Variants in ALPK2 observed in about 807,000 individuals in gnomAD.
ALPK2 encodes alpha kinase 2.
In ALPK2, 127 loss-of-function variants were observed where a neutral mutation model predicts 163.1. The ratio of observed to expected loss-of-function variants is 0.78; its 90% CI spans 0.67 to 0.90. ALPK2 has a LOEUF of 0.90. Ranked by LOEUF, ALPK2 falls within the 40% of genes least tolerant of loss-of-function variation. The pLI, the probability that ALPK2 is intolerant of heterozygous loss-of-function variation, is 0.00. For synonymous variants in ALPK2, 953 were observed against 959.1 expected (o/e 0.99, Z 0.12); for missense variants, 2,360 against 2,589.6 (o/e 0.91, Z 1.92).
chr18:58,522,850 T>G (rs1217189390), intron 8 of ALPK2, among the ~76,000 whole-genome samples: 1 of 152,128 alleles, frequency 6.6e-6, no homozygotes, highest in East Asian at 1.9e-4. Flanking sequence ...GAACTTACAA[T>G]AGGAAGTATG....
intron 11 of ALPK2, among the ~76,000 whole-genome samples, chr18:58,500,138 C>T (rs971844960): frequency 6.6e-6 from 1 of 151,920 alleles, no homozygotes; most frequent in Admixed American, 6.6e-5. Flanking sequence ...AAGTCTCTTT[C>T]GCAGTTGGTA....
rs775846665 is a variant in ALPK2, at chr18:58,580,289, A to G, written c.487T>C (p.Ser163Pro). The G allele has an allele frequency of 6.2e-6, 10 of 1,614,140 alleles. No homozygotes were observed. In the South Asian group the frequency reaches 9.9e-5, roughly 16 times the overall value. The part of the protein sequence containing the change: ...ISPGTPRSAD[S>P]SPSKSNHSLS... ...GAATGGTTGGATTTGGAGGGGGAGGAGTCAGCTGACCTGGGAGTGCCCGGG... is the reference window on the plus strand; with the variant it reads ...GAATGGTTGGATTTGGAGGGGGAGGGGTCAGCTGACCTGGGAGTGCCCGGG... Residue 163 changes from serine to proline, a missense_variant, in exon 4 of 13, where the codon TCC becomes CCC. Coordinates refer to ENST00000361673, the MANE Select transcript of ALPK2 (RefSeq NM_052947.4).
chr18:58,561,973 C>T (rs1245870572), intron 4 of ALPK2, among the ~76,000 whole-genome samples: 1 of 152,178 alleles, frequency 6.6e-6, no homozygotes, highest in African/African-American at 2.4e-5. Context: ...GGGGTTCTTT[C>T]CCCTGAGTTA....
Position 58,537,858 on chromosome 18 carries a change from C to T in ALPK2, c.2329G>A (p.Ala777Thr). 1 of 1,614,152 alleles carries T rather than the reference C, an allele frequency of 6.2e-7. No individual in the cohort carries two copies. Among genetic ancestry groups the T allele is most frequent in the East Asian group, 2.2e-5 (1 of 44,876 alleles). ...GCAGTATCTGTGGGTTCAGGGGAAG[C>T]AACAGAGACAGCCACAGGCTCCCTG... ...DFREPVAVSV[A>T]SPEPTDTALT... Residue 777 changes from alanine to threonine, a missense_variant, in exon 5 of 13, where the codon GCT becomes ACT. By Grantham distance (58) the Ala-to-Thr change is moderately conservative. Transcript: ENST00000361673.
At chr18:58,544,007 A>G (rs1403331847) in intron 4 of ALPK2, among the ~76,000 whole-genome samples, 1 of 152,200 alleles carries the variant, frequency 6.6e-6, no homozygotes, top group Non-Finnish European at 1.5e-5. Context: ...TAGGTGCAAC[A>G]TGGCCATCTC....
chr18:58,535,858 G>A lies in ALPK2; in HGVS notation c.4329C>T (p.His1443=), dbSNP rs372233076. The A allele has an allele frequency of 1.3e-5, 21 of 1,614,180 alleles. No individual in the cohort carries two copies. The highest frequency in any genetic ancestry group is 3.3e-5 in the Admixed American group (2 of 60,024). ...AAATGGCCGGCTGGATTTCCGCTTC[G>A]TGGCCCATGTTTCCGTCATTTGATT... The part of the protein sequence containing the change: ...GGQSNDGNMG[H]EAEIQPAILQ... The change falls in exon 5 of 13, where the codon CAC becomes CAT. Residue 1443 remains histidine, a synonymous_variant. Transcript: ENST00000361673.
chr18:58,533,069 T>G (rs1248837670), intron 5 of ALPK2, among the ~76,000 whole-genome samples: 1 of 152,210 alleles, frequency 6.6e-6, no homozygotes, highest in Non-Finnish European at 1.5e-5. Context: ...TACCCCGTAG[T>G]CTCCGGCAGG....
At chr18:58,524,159 T>C in intron 6 of ALPK2, 97 bp from the exon 7 acceptor site, 2 of 1,474,972 alleles carry the variant, frequency 1.4e-6, no homozygotes, top group Non-Finnish European at 1.8e-6. Context: ...ACTTCCCTGC[T>C]CACATGTTTT....
chr18:58,499,718 C>G (rs9951388), intron 11 of ALPK2, among the ~76,000 whole-genome samples: 2,528 of 152,364 alleles, frequency 0.017, 62 homozygotes, highest in African/African-American at 0.058. Context: ...GCCTCCTGTG[C>G]TCTTGCCCCT....
At chr18:58,486,291 G>A (rs1238506306) in intron 12 of ALPK2, among the ~76,000 whole-genome samples, 1 of 152,200 alleles carries the variant, frequency 6.6e-6, no homozygotes, top group African/African-American at 2.4e-5. Context: ...CACCATCTCA[G>A]AGACCCTTTC....
chr18:58,563,691 T>C (rs1176776373), intron 4 of ALPK2, among the ~76,000 whole-genome samples: 1 of 152,230 alleles, frequency 6.6e-6, no homozygotes, highest in African/African-American at 2.4e-5. Flanking sequence ...TTAAATATTT[T>C]CAAGGCATGA....
At chr18:58,551,435 CTCT>C (rs1200435061) in intron 4 of ALPK2, among the ~76,000 whole-genome samples, 1 of 152,208 alleles carries the variant, frequency 6.6e-6, no homozygotes, top group East Asian at 1.9e-4. Context: ...GTGTCCTCTC[CTCT>C]TCTTATAAGG....
In ALPK2 at chr18:58,580,328, C is replaced by T. The variant is rs767130408; in HGVS notation, c.448G>A (p.Glu150Lys). 1.9e-6 allele frequency: 3 copies of T among 1,614,134 alleles called. No individual in the cohort carries two copies. The highest frequency in any genetic ancestry group is 2.5e-6 in the Non-Finnish European group (3 of 1,180,008). The part of the protein sequence containing the change: ...IDEKEHPYKE[E>K]ESISPGTPRS... ...GGAGTGCCCGGGGAGATGCTTTCTT[C>T]TTCCTTATAAGGATGTTCCTTCTCA... Residue 150 changes from glutamate to lysine, a missense_variant, in exon 4 of 13, where the codon GAA becomes AAA. Coordinates refer to ENST00000361673, the MANE Select transcript of ALPK2 (RefSeq NM_052947.4).
In ALPK2 at chr18:58,481,539, T is replaced by G; in HGVS notation, c.*284A>C. The G allele has an allele frequency of 4.6e-6, 2 of 430,354 alleles. No homozygotes were observed. Among genetic ancestry groups the G allele is most frequent in the East Asian group, 4.8e-5 (1 of 21,002 alleles). 26.7% of individuals were successfully genotyped at this position (430,354 alleles called of 1,614,324 possible). On this transcript the variant is annotated 3_prime_UTR_variant, in exon 13 of 13. Transcript: ENST00000361673. ...TGCAAATACACAAATATACACATGA[T>G]GTGAGGTTGGTAAAAATGCTAAACA...
chr18:58,508,193 T>C (rs1296176371), intron 10 of ALPK2, among the ~76,000 whole-genome samples: 1 of 152,160 alleles, frequency 6.6e-6, no homozygotes, highest in East Asian at 1.9e-4. Context: ...CCCTATTTCC[T>C]AGCCCCCTGC....
At chr18:58,550,051 C>T (rs1316627076) in intron 4 of ALPK2, among the ~76,000 whole-genome samples, 2 of 152,138 alleles carry the variant, frequency 1.3e-5, no homozygotes, top group Non-Finnish European at 2.9e-5. Context: ...CACACCCTCA[C>T]ACCTGTTTGC....
At chr18:58,569,011 C>T (rs922325062) in intron 4 of ALPK2, among the ~76,000 whole-genome samples, 3 of 152,150 alleles carry the variant, frequency 2.0e-5, no homozygotes, top group Admixed American at 6.5e-5. Context: ...GCCAGGAGTT[C>T]GAGACCATCC....
At chr18:58,617,020 C>T (rs2144237910) in intron 1 of ALPK2, among the ~76,000 whole-genome samples, 1 of 152,224 alleles carries the variant, frequency 6.6e-6, no homozygotes, top group South Asian at 2.1e-4. Context: ...CCAGTGTCTG[C>T]AGCTTGGCGT....
At position 58,607,320 on chromosome 18, in the gene ALPK2, A is replaced by G; in HGVS notation, c.227+2T>C. 1 of 1,601,954 alleles carries G rather than the reference A, an allele frequency of 6.2e-7. No homozygotes were observed. Among genetic ancestry groups the G allele is most frequent in the South Asian group, 1.1e-5 (1 of 89,984 alleles). ...ACAGTCCACAGGGGTATAGCCACTTACCAAGAGAGATGTAACACATGAATA... is the reference window on the plus strand; with the variant it reads ...ACAGTCCACAGGGGTATAGCCACTTGCCAAGAGAGATGTAACACATGAATA... On this transcript the variant is annotated splice_donor_variant, in intron 3 of 12. Coordinates refer to ENST00000361673, the MANE Select transcript of ALPK2 (RefSeq NM_052947.4). LOFTEE classifies it high-confidence loss of function.
Sources: gnomAD v4.1 joint callset for allele counts (sites outside exome capture counted in the v4.1 genomes callset) on GRCh38, gnomAD v4.1.1 for gene constraint, MANE v1.5 for transcripts, NCBI Gene and HGNC (gene_info 2026-07-23, HGNC 2026-07-21) for gene names.